The following RBFOX1 variants were observed in gnomAD, a reference collection of about 807,000 sequenced individuals.
RBFOX1 encodes RNA binding protein fox-1 homolog 1.
RBFOX1 carries 8 observed loss-of-function variants against 57.7 expected under a neutral mutation model. That is an observed-to-expected ratio of 0.14 (90% CI 0.08 to 0.25). RBFOX1 has a LOEUF of 0.25. Among genes scored for constraint, RBFOX1 ranks in the 10% least tolerant of loss-of-function variants. RBFOX1 has a pLI of 1.00. For missense variants in RBFOX1, 611 were observed against 548.5 expected (o/e 1.11, Z -1.14); for synonymous variants, 326 against 222.4 (o/e 1.47, Z -4.15).
At chr16:5,961,563 C>T (rs2059749256) in intron 4 of RBFOX1, among the ~76,000 whole-genome samples, 1 of 152,022 alleles carries the variant, frequency 6.6e-6, no homozygotes, top group Non-Finnish European at 1.5e-5. Context: ...CTCTATCACC[C>T]AGGGTAAGTG....
At chr16:7,682,613 T>TA (rs1568436848) in intron 14 of RBFOX1, among the ~76,000 whole-genome samples, 15 of 150,950 alleles carry the variant, frequency 9.9e-5, no homozygotes, top group Admixed American at 7.3e-4. Flanking sequence ...ATAATTTTTT[T>TA]TAAAAAAAAG....
chr16:6,221,680 G>A (rs1208431141), intron 1 of RBFOX1, among the ~76,000 whole-genome samples: 2 of 152,150 alleles, frequency 1.3e-5, no homozygotes, highest in African/African-American at 4.8e-5. Context: ...CACGTGGCTG[G>A]GACACCTCAC....
At chr16:5,391,799 T>A (rs1358293647) in intron 1 of RBFOX1, among the ~76,000 whole-genome samples, 1 of 151,236 alleles carries the variant, frequency 6.6e-6, no homozygotes, top group Non-Finnish European at 1.5e-5. Flanking sequence ...AATGAGTGGA[T>A]AAAGAAACTA....
chr16:7,249,501 C>G (rs2094432761), intron 4 of RBFOX1, among the ~76,000 whole-genome samples: 1 of 152,008 alleles, frequency 6.6e-6, no homozygotes, highest in Non-Finnish European at 1.5e-5. Context: ...CTGTCTTTCT[C>G]TCTGACTTCC....
intron 5 of RBFOX1, among the ~76,000 whole-genome samples, chr16:7,530,805 C>G (rs558058176): frequency 2.6e-5 from 4 of 152,220 alleles, no homozygotes; most frequent in Non-Finnish European, 5.9e-5. Context: ...CATAACCAGA[C>G]TCTCAAGAGA....
At chr16:7,041,671 G>C (rs77134526) in intron 3 of RBFOX1, among the ~76,000 whole-genome samples, 524 of 152,086 alleles carry the variant, frequency 3.4e-3, no homozygotes, top group Admixed American at 8.8e-3. Flanking sequence ...CAAACCTTTC[G>C]AAAGGAATCT....
intron 4 of RBFOX1, among the ~76,000 whole-genome samples, chr16:7,131,403 G>T (rs186103621): frequency 6.8e-5 from 9 of 133,112 alleles, no homozygotes; most frequent in Admixed American, 2.5e-4. Flanking sequence ...TGCTTAGTCA[G>T]TGCCTACTTA....
intron 4 of RBFOX1, among the ~76,000 whole-genome samples, chr16:5,868,957 G>A (rs774222409): frequency 6.6e-6 from 1 of 152,038 alleles, no homozygotes; most frequent in Non-Finnish European, 1.5e-5. Context: ...TGCACGCATC[G>A]TTATATAAAA....
At chr16:6,706,816 G>T (rs1181491128) in intron 3 of RBFOX1, among the ~76,000 whole-genome samples, 2 of 151,684 alleles carry the variant, frequency 1.3e-5, no homozygotes, top group African/African-American at 2.4e-5. Context: ...GTCCTGTTTA[G>T]GGTATCTGTA....
chr16:6,231,969 C>T (rs12924078), intron 1 of RBFOX1, among the ~76,000 whole-genome samples: 7,483 of 151,498 alleles, frequency 0.049, 268 homozygotes, highest in Non-Finnish European at 0.074. Context: ...AAATTATGCA[C>T]GGGAGGGAGG....
chr16:7,415,326 C>G (rs988394782), intron 4 of RBFOX1, among the ~76,000 whole-genome samples: 1 of 152,118 alleles, frequency 6.6e-6, no homozygotes, highest in South Asian at 2.1e-4. Context: ...ATATCTTCTG[C>G]CTGTGGAACC....
chr16:6,556,694 G>A (rs1011868813), intron 2 of RBFOX1, among the ~76,000 whole-genome samples: 1 of 152,128 alleles, frequency 6.6e-6, no homozygotes, highest in African/African-American at 2.4e-5. Flanking sequence ...ATGATATAGA[G>A]AATTAAATGT....
At chr16:6,846,214 G>A (rs1458607471) in intron 3 of RBFOX1, among the ~76,000 whole-genome samples, 1 of 152,210 alleles carries the variant, frequency 6.6e-6, no homozygotes, top group Non-Finnish European at 1.5e-5. Context: ...TGGGAAGGGT[G>A]TGTGCATGTT....
chr16:6,971,912 G>A (rs1174549159), intron 3 of RBFOX1, among the ~76,000 whole-genome samples: 1 of 152,102 alleles, frequency 6.6e-6, no homozygotes, highest in Non-Finnish European at 1.5e-5. Flanking sequence ...CAGTGGGGTG[G>A]TGAGATGGGA....
At chr16:5,626,761 G>C (rs143888512) in intron 3 of RBFOX1, among the ~76,000 whole-genome samples, 1 of 151,896 alleles carries the variant, frequency 6.6e-6, no homozygotes, top group African/African-American at 2.4e-5. Flanking sequence ...GGGACTGAAG[G>C]TTCAACCAGG....
chr16:5,261,826 AG>A, intron 1 of RBFOX1, among the ~76,000 whole-genome samples: 1 of 152,322 alleles, frequency 6.6e-6, no homozygotes, highest in Non-Finnish European at 1.5e-5. Context: ...CTGGGATTAC[AG>A]GTGTGAGCCA....
intron 4 of RBFOX1, among the ~76,000 whole-genome samples, chr16:7,183,139 A>C (rs2141901): frequency 0.26 from 39,518 of 151,842 alleles, 5,820 homozygotes; most frequent in East Asian, 0.41. Context: ...TCAGTATTCA[A>C]CCCTCTTTTT....
intron 1 of RBFOX1, among the ~76,000 whole-genome samples, chr16:6,146,982 C>G (rs921133855): frequency 1.3e-5 from 2 of 152,110 alleles, no homozygotes; most frequent in Non-Finnish European, 2.9e-5. Context: ...TCCCACTGGT[C>G]GTGCATTAAA....
At chr16:5,831,036 G>C (rs2056250404) in intron 3 of RBFOX1, among the ~76,000 whole-genome samples, 1 of 152,146 alleles carries the variant, frequency 6.6e-6, no homozygotes, top group South Asian at 2.1e-4. Flanking sequence ...TGCGTTAGTT[G>C]GCGAGTTTAA....
Sources: gnomAD v4.1 joint callset for allele counts (sites outside exome capture counted in the v4.1 genomes callset) on GRCh38, gnomAD v4.1.1 for gene constraint, MANE v1.5 for transcripts, NCBI Gene and HGNC (gene_info 2026-07-23, HGNC 2026-07-21) for gene names.